SEPTIN6: variants seen among roughly 807,000 people sequenced by gnomAD.
SEPTIN6 encodes septin 6.
Under a neutral mutation model 33.6 loss-of-function variants are expected in SEPTIN6, and 8 were observed. That is an observed-to-expected ratio of 0.24 (90% CI 0.14 to 0.43). The LOEUF (loss-of-function observed/expected upper bound fraction) is 0.43. SEPTIN6 is among the 20% of genes least tolerant of loss of function. The pLI is 1.00. For missense variants in SEPTIN6, 250 were observed against 340.8 expected, an observed-to-expected ratio of 0.73 and a Z score of 2.10; for synonymous variants, 131 against 140.0, an observed-to-expected ratio of 0.94 and a Z score of 0.45.
At chrX:119,656,588 G>A (rs2054445993) in intron 3 of SEPTIN6, among the ~76,000 whole-genome samples, 2 of 112,607 alleles carry the variant, frequency 1.8e-5, no homozygotes, top group African/African-American at 3.2e-5. Context: ...ACTGATGACC[G>A]GATAAAGAAA....
intron 2 of SEPTIN6, 89 bp downstream of exon 2, chrX:119,675,465 C>T: frequency 2.2e-6 from 1 of 444,462 alleles, no homozygotes; most frequent in Non-Finnish European, 3.6e-6. Flanking sequence ...CAGAATGACA[C>T]ACTATTTAAC....
chrX:119,658,044 G>A (rs778521180), intron 3 of SEPTIN6, among the ~76,000 whole-genome samples: 4 of 111,452 alleles, frequency 3.6e-5, no homozygotes, highest in South Asian at 3.8e-4. Context: ...GGAGAATGGC[G>A]TGAACCCGGG....
chrX:119,654,262 C>G (rs2054398345), intron 3 of SEPTIN6, among the ~76,000 whole-genome samples: 1 of 110,853 alleles, frequency 9.0e-6, no homozygotes, highest in East Asian at 2.8e-4. Flanking sequence ...CTTTCCTGGG[C>G]CTCCCTGGGA....
At chrX:119,687,496 G>T (rs941551874) in intron 1 of SEPTIN6, among the ~76,000 whole-genome samples, 1 of 110,869 alleles carries the variant, frequency 9.0e-6, no homozygotes, top group Non-Finnish European at 1.9e-5. Context: ...TGATCTGCCC[G>T]CCTCGGCCTC....
chrX:119,634,241 C>T (rs2054016409), intron 7 of SEPTIN6, among the ~76,000 whole-genome samples: 1 of 109,874 alleles, frequency 9.1e-6, no homozygotes, highest in African/African-American at 3.3e-5. Context: ...TCGTAGTGGG[C>T]GCCAGTAATC....
chrX:119,663,353 G>A, intron 3 of SEPTIN6, 129 bp downstream of exon 3: 3 of 542,365 alleles, frequency 5.5e-6, no homozygotes, highest in South Asian at 7.2e-5. Context: ...ACCTGCTGCT[G>A]CCCACACCAT....
At chrX:119,651,699 T>A (rs2054354568) in intron 4 of SEPTIN6, among the ~76,000 whole-genome samples, 1 of 111,757 alleles carries the variant, frequency 8.9e-6, no homozygotes, top group Admixed American at 9.5e-5. Context: ...TAAATATATA[T>A]GTATCTATCT....
At chrX:119,645,325 G>A (rs1180236925) in intron 5 of SEPTIN6, among the ~76,000 whole-genome samples, 3 of 98,654 alleles carry the variant, frequency 3.0e-5, no homozygotes, top group Middle Eastern at 4.8e-3. Flanking sequence ...TGCAACCTCC[G>A]CGTCCCGGGT....
At position 119,636,623 on chromosome X, in the gene SEPTIN6, C is replaced by T. The variant is rs1375169505; in HGVS notation, c.956+404G>A. Reference sequence around the variant, plus strand: ...AGAAACCTGTCTGAGCGCCAGGAGCCTGATGAAGAAAGAGGGGCAGAGGAC... The same window carrying T: ...AGAAACCTGTCTGAGCGCCAGGAGCTTGATGAAGAAAGAGGGGCAGAGGAC... On this transcript the variant is annotated intron_variant, in intron 7 of 10. Coordinates refer to ENST00000394610, the MANE Select transcript of SEPTIN6 (RefSeq NM_145799.4). 2.7e-5 allele frequency among the ~76,000 whole-genome samples: 3 copies of T among 111,344 alleles called. No homozygotes were observed. In the East Asian group the frequency reaches 8.5e-4, roughly 31 times the overall value.
intron 8 of SEPTIN6, among the ~76,000 whole-genome samples, chrX:119,630,787 G>A (rs1297348740): frequency 9.0e-6 from 1 of 110,651 alleles, no homozygotes; most frequent in African/African-American, 3.3e-5. Context: ...CAGCTACTTG[G>A]GAGGCTGAGA....
intron 9 of SEPTIN6, among the ~76,000 whole-genome samples, chrX:119,628,453 A>G (rs1449554751): frequency 1.1e-5 from 1 of 92,596 alleles, no homozygotes; most frequent in Admixed American, 1.2e-4. Context: ...TAATTTTTGT[A>G]TTTTTAGTAG....
At chrX:119,687,898 T>C (rs1301264386) in intron 1 of SEPTIN6, among the ~76,000 whole-genome samples, 1 of 112,229 alleles carries the variant, frequency 8.9e-6, no homozygotes, top group African/African-American at 3.2e-5. Context: ...CACTCTGCTA[T>C]AATGTAGTTT....
At chrX:119,669,548 G>A (rs2054706389) in intron 2 of SEPTIN6, among the ~76,000 whole-genome samples, 1 of 112,304 alleles carries the variant, frequency 8.9e-6, no homozygotes, top group Non-Finnish European at 1.9e-5. Context: ...CTGGCAGGCA[G>A]TGGTGTGCTG....
In SEPTIN6 at chrX:119,675,608, G is replaced by C; in HGVS notation, c.91C>G (p.Gln31Glu). ...TGGCTGACGGACTTATTCACCAGCT[G>C]GTCAGGCAAGCTGTCAAACCCCACA... is the stretch of plus-strand genomic sequence containing the variant. ...GHVGFDSLPD[Q>E]LVNKSVSQGF... The change falls in exon 2 of 11, where the codon CAG becomes GAG. Residue 31 changes from glutamine (Q) to glutamate (E), a missense_variant. This residue lies in a region of SEPTIN6 where 111 missense variants were observed against 113.8 expected (regional missense o/e 0.98). Transcript: ENST00000394610. 1 of 1,170,657 alleles carries C rather than the reference G, an allele frequency of 8.5e-7. No individual in the cohort carries two copies. The highest frequency in any genetic ancestry group is 1.9e-5 in the South Asian group (1 of 51,553).
At chrX:119,635,176 T>C (rs2054042536) in intron 7 of SEPTIN6, 1 of 335,438 alleles carries the variant, frequency 3.0e-6, no homozygotes, top group Non-Finnish European at 5.8e-6. Context: ...GATGGTGGTA[T>C]CATGAATGGC....
chrX:119,628,423 C>T (rs1244294808), intron 9 of SEPTIN6, among the ~76,000 whole-genome samples: 3 of 110,677 alleles, frequency 2.7e-5, no homozygotes, highest in Admixed American at 1.9e-4. Flanking sequence ...GGATTATAAG[C>T]GCGCGCCACC....
At chrX:119,645,649 G>A (rs866575039) in intron 5 of SEPTIN6, among the ~76,000 whole-genome samples, 2 of 110,923 alleles carry the variant, frequency 1.8e-5, no homozygotes, top group Admixed American at 9.5e-5. Flanking sequence ...CACCCGCCTC[G>A]GCCTCCCAAG....
At chrX:119,650,376 A>G (rs2054331425) in intron 4 of SEPTIN6, among the ~76,000 whole-genome samples, 1 of 112,359 alleles carries the variant, frequency 8.9e-6, no homozygotes, top group South Asian at 3.6e-4. Context: ...ATTAAGGCAT[A>G]GGGAGGTTAA....
chrX:119,658,118 G>C (rs970697109), intron 3 of SEPTIN6, among the ~76,000 whole-genome samples: 12 of 112,024 alleles, frequency 1.1e-4, no homozygotes, highest in East Asian at 2.8e-4. Flanking sequence ...CAGTGCGAAA[G>C]TCCGTCTCAA....
Sources: gnomAD v4.1 joint callset for allele counts (sites outside exome capture counted in the v4.1 genomes callset) on GRCh38, gnomAD v4.1.1 for gene constraint, gnomAD v4.1.1 regional missense constraint, MANE v1.5 for transcripts, NCBI Gene and HGNC (gene_info 2026-07-23, HGNC 2026-07-21) for gene names.